MED13L: variants seen among roughly 807,000 people sequenced by gnomAD.
The protein encoded by MED13L is mediator complex subunit 13L.
In MED13L, 7 loss-of-function variants were observed where a neutral mutation model predicts 220.9. That is an observed-to-expected ratio of 0.03 (90% CI 0.02 to 0.06). The LOEUF is 0.06. MED13L is among the 10% of genes least tolerant of loss of function. The pLI, the probability that MED13L is intolerant of heterozygous loss-of-function variation, is 1.00. For synonymous variants in MED13L, 1,011 were observed against 1,015.2 expected, an observed-to-expected ratio of 1.00 and a Z score of 0.08; for missense variants, 1,965 against 2,760.5, an observed-to-expected ratio of 0.71 and a Z score of 6.46.
chr12:116,216,697 T>A (rs1047180479), intron 2 of MED13L, among the ~76,000 whole-genome samples: 2 of 152,180 alleles, frequency 1.3e-5, no homozygotes, highest in African/African-American at 4.8e-5. Flanking sequence ...CATAAAGCCA[T>A]GCAGGAAATT....
chr12:116,031,764 G>GAA lies in MED13L; in HGVS notation c.480-9165_480-9164dup, dbSNP rs1566020969. On this transcript the variant is annotated intron_variant, in intron 4 of 30. Transcript: ENST00000281928. Reference sequence around the variant, plus strand: ...AGAAAAGAAAAGAAAAGAAAAGAAGGAAGGAAGGAAGGAAGGAAGGAAGGA... The same window carrying GAA: ...AGAAAAGAAAAGAAAAGAAAAGAAGGAAAAGGAAGGAAGGAAGGAAGGAAGGA... Among the ~76,000 whole-genome samples the GAA allele has an allele frequency of 3.1e-4, 36 of 114,904 alleles. 3 individuals carry two copies. The highest frequency in any genetic ancestry group is 9.5e-4 in the African/African-American group (32 of 33,812). The allele number at this position is 114,904 out of a possible 152,430, so 75.4% of individuals were successfully genotyped here.
intron 2 of MED13L, among the ~76,000 whole-genome samples, chr12:116,204,245 TGA>T (rs1294384027): frequency 1.3e-5 from 2 of 152,198 alleles, no homozygotes; most frequent in African/African-American, 4.8e-5. Context: ...CTTTCTACTT[TGA>T]GAGAGAACAA....
chr12:116,121,812 A>AT (rs1875119889), intron 2 of MED13L, among the ~76,000 whole-genome samples: 1 of 152,138 alleles, frequency 6.6e-6, no homozygotes, highest in African/African-American at 2.4e-5. Context: ...TATCCAGAAC[A>AT]TTGAGTTCAG....
At chr12:116,157,974 T>A (rs760288845) in intron 2 of MED13L, among the ~76,000 whole-genome samples, 3 of 152,202 alleles carry the variant, frequency 2.0e-5, no homozygotes, top group Non-Finnish European at 2.9e-5. Context: ...ATCAGATTAC[T>A]GGTTGCCACA....
At chr12:116,054,732 C>G (rs902359431) in intron 4 of MED13L, among the ~76,000 whole-genome samples, 6 of 152,194 alleles carry the variant, frequency 3.9e-5, no homozygotes, top group African/African-American at 1.4e-4. Flanking sequence ...GGACACACAA[C>G]AACTTTCATA....
At chr12:116,259,940 T>C (rs1454406890) in intron 1 of MED13L, among the ~76,000 whole-genome samples, 1 of 151,900 alleles carries the variant, frequency 6.6e-6, no homozygotes, top group African/African-American at 2.4e-5. Context: ...TGTTAGTGAG[T>C]ACAGCTGAAT....
intron 1 of MED13L, among the ~76,000 whole-genome samples, chr12:116,254,953 G>A (rs117936870): frequency 1.3e-5 from 2 of 151,976 alleles, no homozygotes; most frequent in African/African-American, 4.8e-5. Flanking sequence ...ATTTAAAATC[G>A]TTAAAATGTC....
At chr12:116,175,758 C>A (rs1325861977) in intron 2 of MED13L, among the ~76,000 whole-genome samples, 1 of 151,910 alleles carries the variant, frequency 6.6e-6, no homozygotes, top group Non-Finnish European at 1.5e-5. Flanking sequence ...ACTACAGTTA[C>A]AAGTGAAGAA....
At chr12:116,217,162 A>G (rs1883047984) in intron 2 of MED13L, among the ~76,000 whole-genome samples, 1 of 152,186 alleles carries the variant, frequency 6.6e-6, no homozygotes, top group South Asian at 2.1e-4. Flanking sequence ...CCCAGGAAAG[A>G]CAGGCAGCAT....
intron 4 of MED13L, among the ~76,000 whole-genome samples, chr12:116,084,609 T>C (rs905429820): frequency 6.6e-6 from 1 of 152,002 alleles, no homozygotes; most frequent in African/African-American, 2.4e-5. Context: ...TTTTCTGATA[T>C]AAAGCTTAAA....
intron 2 of MED13L, among the ~76,000 whole-genome samples, chr12:116,146,031 C>T (rs749658825): frequency 4.6e-5 from 7 of 152,206 alleles, no homozygotes; most frequent in East Asian, 1.9e-4. Context: ...CCACAGCCCG[C>T]GGGCCGCATG....
intron 3 of MED13L, among the ~76,000 whole-genome samples, chr12:116,097,074 T>C (rs76340804): frequency 0.012 from 1,800 of 152,202 alleles, 47 homozygotes; most frequent in East Asian, 0.091. Flanking sequence ...AATTCTTGCA[T>C]CATCAAGAAT....
chr12:116,030,266 G>A (rs774663460), intron 4 of MED13L, among the ~76,000 whole-genome samples: 1 of 151,954 alleles, frequency 6.6e-6, no homozygotes, highest in Non-Finnish European at 1.5e-5. Context: ...GTGCAATTTA[G>A]TTAGAAATCA....
At chr12:116,090,351 G>GTTAACATAATCCT (rs1223535978) in intron 4 of MED13L, among the ~76,000 whole-genome samples, 2 of 152,176 alleles carry the variant, frequency 1.3e-5, no homozygotes, top group Non-Finnish European at 2.9e-5. Context: ...CGTTACTCAA[G>GTTAACATAATCCT]TTAACATAAT....
chr12:116,208,407 G>C (rs916461161), intron 2 of MED13L, among the ~76,000 whole-genome samples: 1 of 151,902 alleles, frequency 6.6e-6, no homozygotes, highest in African/African-American at 2.4e-5. Flanking sequence ...AAAACAAAAG[G>C]ATAACAACTG....
intron 2 of MED13L, among the ~76,000 whole-genome samples, chr12:116,205,072 G>C (rs527802858): frequency 2.6e-5 from 4 of 152,164 alleles, no homozygotes; most frequent in African/African-American, 9.6e-5. Context: ...CATGTGGCTT[G>C]CCTTCTGGGA....
In MED13L at chr12:115,961,238, G is replaced by A. The variant is rs758481915; in HGVS notation, c.*28C>T. On this transcript the variant is annotated 3_prime_UTR_variant, in exon 31 of 31. Transcript: ENST00000281928. ...ACTGAGGTTGCAGGGAGAAGGAACTGAGCCAGAGAGAACAAGTGCTTTTCC... is the reference window on the plus strand; with the variant it reads ...ACTGAGGTTGCAGGGAGAAGGAACTAAGCCAGAGAGAACAAGTGCTTTTCC... 6 of 1,613,788 alleles carry A rather than the reference G, an allele frequency of 3.7e-6. No individual in the cohort carries two copies. In the East Asian group the frequency reaches 1.3e-4, roughly 36 times the overall value.
intron 4 of MED13L, among the ~76,000 whole-genome samples, chr12:116,092,345 T>C (rs1216093580): frequency 1.3e-5 from 2 of 152,208 alleles, no homozygotes; most frequent in Non-Finnish European, 2.9e-5. Flanking sequence ...ATAACACAGA[T>C]GACTGGGCTA....
intron 4 of MED13L, among the ~76,000 whole-genome samples, chr12:116,071,251 T>C (rs1870348265): frequency 6.6e-6 from 1 of 152,214 alleles, no homozygotes; most frequent in Non-Finnish European, 1.5e-5. Context: ...AATTTTAAGA[T>C]AAATGACTTC....
Sources: gnomAD v4.1 joint callset for allele counts (sites outside exome capture counted in the v4.1 genomes callset) on GRCh38, gnomAD v4.1.1 for gene constraint, MANE v1.5 for transcripts, NCBI Gene and HGNC (gene_info 2026-07-23, HGNC 2026-07-21) for gene names.